The following CDC7 variants were observed in gnomAD, a reference collection of about 807,000 sequenced individuals.
CDC7 encodes the protein cell division cycle 7-related protein kinase.
A neutral mutation model predicts 53.5 loss-of-function variants in CDC7; 34 were observed. The observed-to-expected ratio is 0.64, with a 90% confidence interval of 0.48 to 0.85. The LOEUF (loss-of-function observed/expected upper bound fraction) is 0.85. Among genes scored for constraint, CDC7 ranks in the 40% least tolerant of loss-of-function variants. The pLI is 0.00. For synonymous variants in CDC7, 211 were observed against 222.8 expected (o/e 0.95, Z 0.47); for missense variants, 594 against 679.7 (o/e 0.87, Z 1.40).
rs1667381554 is a variant in CDC7 at position 91,513,313 on chromosome 1, A to G, written c.822+6A>G. 2.5e-6 allele frequency: 4 copies of G among 1,610,398 alleles called. No individual in the cohort carries two copies. Among genetic ancestry groups the G allele is most frequent in the African/African-American group, 1.3e-5 (1 of 74,748 alleles). ...AACAAGGAAAAGACGGAAAGGTTCT[A>G]TCTCTTTTATTTCTTAAGTACCGAC... On this transcript the variant is annotated splice_donor_region_variant and intron_variant, in intron 7 of 11. Coordinates refer to ENST00000234626, the MANE Select transcript of CDC7 (RefSeq NM_003503.4).
chr1:91,521,549 A>G (rs535981245), intron 11 of CDC7, among the ~76,000 whole-genome samples: 4 of 152,316 alleles, frequency 2.6e-5, no homozygotes. Flanking sequence ...AATACAAGGG[A>G]AAAAAAGTGA....
chr1:91,517,582 T>G (rs1470825575), intron 10 of CDC7, among the ~76,000 whole-genome samples: 2 of 152,092 alleles, frequency 1.3e-5, no homozygotes, highest in African/African-American at 4.8e-5. Flanking sequence ...AAATAGAGAT[T>G]TCCAGCAGAA....
rs778911679 is a variant in CDC7, at chr1:91,516,790, C to T, written c.1180+914C>T. On this transcript the variant is annotated intron_variant, in intron 10 of 11. Coordinates refer to ENST00000234626, the MANE Select transcript of CDC7 (RefSeq NM_003503.4). Reference sequence around the variant, plus strand: ...CTAAAAAAGTTTCATTTTGGCCAGACGCGGTGGCTCATGCCTGTAATCCCA... The same window carrying T: ...CTAAAAAAGTTTCATTTTGGCCAGATGCGGTGGCTCATGCCTGTAATCCCA... 9.1e-4 allele frequency among the ~76,000 whole-genome samples: 139 copies of T among 152,312 alleles called. 1 individual carries two copies. The highest frequency in any genetic ancestry group is 6.8e-3 in the Middle Eastern group (2 of 294).
At chr1:91,504,451 T>A (rs1666877580) in intron 2 of CDC7, among the ~76,000 whole-genome samples, 1 of 151,890 alleles carries the variant, frequency 6.6e-6, no homozygotes, top group South Asian at 2.1e-4. Context: ...ATATGCCAAG[T>A]TTTAATAAGT....
chr1:91,520,035 G>C, intron 10 of CDC7, 95 bp from the exon 11 acceptor site: 1 of 995,022 alleles, frequency 1.0e-6, no homozygotes. Flanking sequence ...GGCTCCCAAG[G>C]TGATTCTAAT....
intron 3 of CDC7, 32 bp from the exon 4 acceptor site, chr1:91,508,230 G>T: frequency 6.5e-7 from 1 of 1,544,120 alleles, no homozygotes; most frequent in South Asian, 1.2e-5. Flanking sequence ...TTAAAAACCA[G>T]ATATTGAAAA....
intron 11 of CDC7, among the ~76,000 whole-genome samples, chr1:91,521,706 T>A (rs1430951819): frequency 2.0e-5 from 3 of 152,094 alleles, no homozygotes; most frequent in Non-Finnish European, 4.4e-5. Context: ...TATCAGCCAA[T>A]ACCAACATAT....
At chr1:91,505,189 G>A (rs572645853) in intron 2 of CDC7, among the ~76,000 whole-genome samples, 3 of 152,168 alleles carry the variant, frequency 2.0e-5, no homozygotes, top group African/African-American at 4.8e-5. Context: ...ACCCTGAAAC[G>A]GCAAGTACAA....
intron 1 of CDC7, 113 bp downstream of exon 1, chr1:91,501,061 G>T (rs970216851): frequency 3.3e-5 from 5 of 152,232 alleles, no homozygotes; most frequent in African/African-American, 1.2e-4. Context: ...CCCCCCTTCG[G>T]ATCCCTCCGA....
intron 10 of CDC7, among the ~76,000 whole-genome samples, chr1:91,518,279 T>A (rs1667707385): frequency 6.6e-6 from 1 of 151,898 alleles, no homozygotes; most frequent in South Asian, 2.1e-4. Context: ...GATTAAAGTT[T>A]CTATAGTGGG....
chr1:91,508,438 T>A (rs761191444), intron 4 of CDC7, 41 bp downstream of exon 4: 1 of 1,477,340 alleles, frequency 6.8e-7, no homozygotes, highest in African/African-American at 1.4e-5. Context: ...TTGTATATAA[T>A]TTATAAGATT....
chr1:91,503,165 T>G (rs1666794432), intron 2 of CDC7, among the ~76,000 whole-genome samples: 1 of 152,218 alleles, frequency 6.6e-6, no homozygotes, highest in South Asian at 2.1e-4. Context: ...ACTATTCTAA[T>G]ATTCTGAAAA....
At position 91,513,183 on chromosome 1, in the gene CDC7, G is replaced by GA; in HGVS notation, c.701dup (p.Asn234LysfsTer11). On this transcript the variant is annotated frameshift_variant, in exon 7 of 12. Coordinates refer to ENST00000234626, the MANE Select transcript of CDC7 (RefSeq NM_003503.4). LOFTEE classifies it high-confidence loss of function. Reference sequence around the variant, plus strand: ...CAAAACAAATCCCACATAATCACAGGAAACAAGATTCCACTGAGTGGCCCA... The same window carrying GA: ...CAAAACAAATCCCACATAATCACAGGAAAACAAGATTCCACTGAGTGGCCCA... 6.2e-7 allele frequency: 1 copy of GA among 1,613,704 alleles called. No individual in the cohort carries two copies.
intron 4 of CDC7, among the ~76,000 whole-genome samples, chr1:91,509,222 T>C (rs1667140171): frequency 6.6e-6 from 1 of 152,164 alleles, no homozygotes; most frequent in Non-Finnish European, 1.5e-5. Context: ...CCACATGATC[T>C]AAAGTAATGA....
chr1:91,511,734 A>AT (rs1667296438), intron 5 of CDC7, 44 bp downstream of exon 5: 1 of 1,591,214 alleles, frequency 6.3e-7, no homozygotes, highest in Non-Finnish European at 8.6e-7. Context: ...TAAATATTTA[A>AT]TTGCAAACAA....
At chr1:91,505,166 G>C (rs947809017) in intron 2 of CDC7, among the ~76,000 whole-genome samples, 1 of 151,712 alleles carries the variant, frequency 6.6e-6, no homozygotes, top group Non-Finnish European at 1.5e-5. Flanking sequence ...CAGAGGAAAC[G>C]GCAAGTACAA....
chr1:91,501,919 G>C, intron 2 of CDC7, 88 bp downstream of exon 2: 4 of 942,522 alleles, frequency 4.2e-6, no homozygotes, highest in Non-Finnish European at 6.8e-6. Context: ...AAATAAGATT[G>C]AATCTTATAA....
rs1262289177 is a variant in CDC7 at position 91,525,752 on chromosome 1, T to C, written c.*1317T>C. 2 of 151,978 alleles carry C rather than the reference T, an allele frequency of 1.3e-5. No homozygotes were observed. Among genetic ancestry groups the C allele is most frequent in the Non-Finnish European group, 2.9e-5 (2 of 67,934 alleles). The allele number at this position is 151,978 out of a possible 1,614,324, so 9.4% of individuals were successfully genotyped here. ...TTTGTATATTCAATAAAGTTATCCT[T>C]TTATATTTTTTATGTCAGACTACTC... On this transcript the variant is annotated 3_prime_UTR_variant, in exon 12 of 12. Coordinates refer to ENST00000234626, the MANE Select transcript of CDC7 (RefSeq NM_003503.4).
In CDC7 at chr1:91,520,244, G is replaced by C. The variant is rs1482120634; in HGVS notation, c.1295G>C (p.Gly432Ala). The C allele has an allele frequency of 6.2e-7, 1 of 1,604,956 alleles. No individual in the cohort carries two copies. Among genetic ancestry groups the C allele is most frequent in the Non-Finnish European group, 8.5e-7 (1 of 1,176,122 alleles). Residue 432 changes from glycine to alanine, a missense_variant, in exon 11 of 12, where the codon GGA becomes GCA. Coordinates refer to ENST00000234626, the MANE Select transcript of CDC7 (RefSeq NM_003503.4). ...TALAQIMTIR[G>A]SRETIQAAKT... ...TTGGCCCAAATTATGACAATTAGGG[G>C]ATCCAGAGAAACTATCCAAGCTGCT...
Sources: gnomAD v4.1 joint callset for allele counts (sites outside exome capture counted in the v4.1 genomes callset) on GRCh38, gnomAD v4.1.1 for gene constraint, MANE v1.5 for transcripts, NCBI Gene and HGNC (gene_info 2026-07-23, HGNC 2026-07-21) for gene names.